The following GSTA4 variants were observed in gnomAD, a reference collection of about 807,000 sequenced individuals.
GSTA4 encodes glutathione S-transferase alpha 4, also known as glutathione S-transferase A4.
A neutral mutation model predicts 24.4 loss-of-function variants in GSTA4; 15 were observed. That is an observed-to-expected ratio of 0.61 (90% CI 0.41 to 0.95). GSTA4 has a LOEUF of 0.95. Among genes scored for constraint, GSTA4 ranks in the 40% least tolerant of loss-of-function variants. The pLI, the probability that GSTA4 is intolerant of heterozygous loss-of-function variation, is 0.00. For synonymous variants in GSTA4, 92 were observed against 94.2 expected, an observed-to-expected ratio of 0.98 and a Z score of 0.13; for missense variants, 244 against 262.1, an observed-to-expected ratio of 0.93 and a Z score of 0.48.
At chr6:52,994,925 A>G (rs1045891088) in intron 1 of GSTA4, 1 of 152,294 alleles carries the variant, frequency 6.6e-6, no homozygotes, top group African/African-American at 2.4e-5. Flanking sequence ...CGCTCAGCCC[A>G]TGCAGGGGCG....
chr6:52,982,779 T>G, intron 5 of GSTA4, 74 bp from the exon 6 acceptor site: 2 of 1,156,642 alleles, frequency 1.7e-6, no homozygotes, highest in South Asian at 2.6e-5. Context: ...ATCAGTGCAG[T>G]ATCTGAGAAG....
rs765493106 is a variant in GSTA4, at chr6:52,994,228, T to TG, written c.15dup (p.Lys6GlnfsTer26). The TG allele has an allele frequency of 2.5e-6, 4 of 1,612,292 alleles. No individual in the cohort carries two copies. In the African/African-American group the frequency reaches 5.3e-5, roughly 22 times the overall value. On this transcript the variant is annotated frameshift_variant, in exon 2 of 7. Coordinates refer to ENST00000370963, the MANE Select transcript of GSTA4 (RefSeq NM_001512.4). LOFTEE classifies it high-confidence loss of function. ...CCTCTTCCGTTGGGATAGTGGAGCT[T>TG]GGGCCTTGCTGCCATGATAGCTTTT...
intron 6 of GSTA4, 101 bp downstream of exon 6, chr6:52,982,473 C>CGT: frequency 2.3e-6 from 1 of 437,626 alleles, no homozygotes; most frequent in Non-Finnish European, 3.7e-6. Context: ...AAATATTACA[C>CGT]ATACACACAC....
Position 52,987,454 on chromosome 6 carries a change from T to A in GSTA4, c.88-46A>T, listed in dbSNP as rs1266519515. On this transcript the variant is annotated intron_variant, in intron 2 of 6. Coordinates refer to ENST00000370963, the MANE Select transcript of GSTA4 (RefSeq NM_001512.4). Reference sequence around the variant, plus strand: ...CGTATATATACATAGTGGAATATTATTCAGCCATTAAGAAAACAAAATCCT... The same window carrying A: ...CGTATATATACATAGTGGAATATTAATCAGCCATTAAGAAAACAAAATCCT... The A allele has an allele frequency of 3.9e-6, 4 of 1,018,886 alleles. No individual in the cohort carries two copies. In the South Asian group the frequency reaches 5.5e-5, roughly 14 times the overall value. 63.1% of individuals were successfully genotyped at this position (1,018,886 alleles called of 1,614,324 possible). A position where few individuals can be genotyped will look rare whatever the true frequency, so the allele number is the denominator to read the frequency against.
intron 6 of GSTA4, among the ~76,000 whole-genome samples, chr6:52,980,116 T>C (rs533872679): frequency 6.6e-6 from 1 of 152,314 alleles, no homozygotes; most frequent in East Asian, 1.9e-4. Context: ...GGGTTGTTAT[T>C]ATAGTATCAT....
chr6:52,979,121 C>T (rs1252363514), intron 6 of GSTA4, among the ~76,000 whole-genome samples: 1 of 152,134 alleles, frequency 6.6e-6, no homozygotes, highest in Non-Finnish European at 1.5e-5. Flanking sequence ...GGAAAACTCA[C>T]TGAAAACACC....
intron 4 of GSTA4, among the ~76,000 whole-genome samples, chr6:52,985,008 C>G (rs1763526413): frequency 6.6e-6 from 1 of 152,152 alleles, no homozygotes; most frequent in Non-Finnish European, 1.5e-5. Context: ...TCACATGACA[C>G]TATGAGAAAT....
chr6:52,981,501 A>G (rs1763450760), intron 6 of GSTA4, among the ~76,000 whole-genome samples: 1 of 152,258 alleles, frequency 6.6e-6, no homozygotes, highest in African/African-American at 2.4e-5. Flanking sequence ...TGTGTAAATG[A>G]GTGGGCATGG....
At chr6:52,984,675 T>A in intron 4 of GSTA4, 70 bp from the exon 5 acceptor site, 2 of 1,219,322 alleles carry the variant, frequency 1.6e-6, no homozygotes, top group Non-Finnish European at 2.3e-6. Context: ...AACTAAGAAT[T>A]CAGAGTGCTT....
chr6:52,990,149 G>C (rs1763637353), intron 2 of GSTA4, among the ~76,000 whole-genome samples: 1 of 152,194 alleles, frequency 6.6e-6, no homozygotes, highest in African/African-American at 2.4e-5. Context: ...AAAGTTCCAA[G>C]CATGGAAGAA....
intron 2 of GSTA4, among the ~76,000 whole-genome samples, chr6:52,988,642 T>C (rs1763608207): frequency 6.6e-6 from 1 of 152,216 alleles, no homozygotes; most frequent in Non-Finnish European, 1.5e-5. Flanking sequence ...AGTCAGGTCC[T>C]GTTGATGAAA....
chr6:52,987,162 G>A (rs1188527385), intron 3 of GSTA4, among the ~76,000 whole-genome samples, 195 bp downstream of exon 3: 8 of 152,204 alleles, frequency 5.3e-5, no homozygotes, highest in Non-Finnish European at 8.8e-5. Context: ...CACCCCCTTC[G>A]GCCAGCTTTT....
At chr6:52,991,982 C>G (rs1763670539) in intron 2 of GSTA4, among the ~76,000 whole-genome samples, 1 of 152,134 alleles carries the variant, frequency 6.6e-6, no homozygotes, top group African/African-American at 2.4e-5. Context: ...GTCTCGAACT[C>G]CTGACCTCAT....
intron 3 of GSTA4, among the ~76,000 whole-genome samples, chr6:52,986,823 C>T (rs1309674290): frequency 6.6e-6 from 1 of 152,170 alleles, no homozygotes; most frequent in African/African-American, 2.4e-5. Flanking sequence ...TGGGCGCATT[C>T]TTTATGGGTC....
At chr6:52,993,538 G>A (rs1317377751) in intron 2 of GSTA4, among the ~76,000 whole-genome samples, 1 of 152,182 alleles carries the variant, frequency 6.6e-6, no homozygotes, top group Non-Finnish European at 1.5e-5. Flanking sequence ...AGAGGAAAAT[G>A]TTGAGGAACT....
intron 2 of GSTA4, among the ~76,000 whole-genome samples, chr6:52,989,014 G>A (rs536732430): frequency 2.6e-5 from 4 of 152,242 alleles, no homozygotes; most frequent in Non-Finnish European, 5.9e-5. Flanking sequence ...AAAGATACAG[G>A]TCATAAAGAC....
chr6:52,991,756 C>CTT (rs11440808), intron 2 of GSTA4, among the ~76,000 whole-genome samples: 7,412 of 130,056 alleles, frequency 0.057, 675 homozygotes, highest in African/African-American at 0.18. Flanking sequence ...CTATTAATAC[C>CTT]TTTTTTTTTT....
At chr6:52,982,817 T>A (rs756114188) in intron 5 of GSTA4, 112 bp from the exon 6 acceptor site, 4 of 804,898 alleles carry the variant, frequency 5.0e-6, no homozygotes, top group Non-Finnish European at 8.2e-6. Flanking sequence ...TGTCATTTCA[T>A]GCTTTCATAA....
intron 6 of GSTA4, among the ~76,000 whole-genome samples, chr6:52,981,068 T>C (rs1192152086): frequency 6.6e-6 from 1 of 151,622 alleles, no homozygotes; most frequent in East Asian, 1.9e-4. Flanking sequence ...TAAAATCAAA[T>C]TAAGGAAAGT....
Sources: allele counts gnomAD v4.1 joint callset (sites outside exome capture counted in the v4.1 genomes callset), GRCh38; gene constraint gnomAD v4.1.1; transcripts MANE v1.5; gene names NCBI Gene and HGNC (gene_info 2026-07-23, HGNC 2026-07-21).